ADGRA2: variants seen among roughly 807,000 people sequenced by gnomAD.
The protein encoded by ADGRA2 is G-protein coupled receptor 124.
ADGRA2 carries 61 observed loss-of-function variants against 98.7 expected under a neutral mutation model. That is an observed-to-expected ratio of 0.62 (90% CI 0.50 to 0.76). The LOEUF (loss-of-function observed/expected upper bound fraction) is 0.76, where lower values mean the gene tolerates loss of function less well. ADGRA2 is among the 30% of genes least tolerant of loss of function. The pLI is 0.00. For missense variants in ADGRA2, 1,712 were observed against 1,860.0 expected, an observed-to-expected ratio of 0.92 and a Z score of 1.46; for synonymous variants, 858 against 831.5, an observed-to-expected ratio of 1.03 and a Z score of -0.55.
chr8:37,832,982 A>T, intron 8 of ADGRA2, 28 bp from the exon 9 acceptor site: 1 of 1,581,690 alleles, frequency 6.3e-7, no homozygotes, highest in African/African-American at 1.3e-5. Context: ...AGCCCGGTTC[A>T]TCGGCAACTT....
intron 2 of ADGRA2, among the ~76,000 whole-genome samples, chr8:37,817,926 G>A (rs2129960988): frequency 6.6e-6 from 1 of 152,248 alleles, no homozygotes; most frequent in African/African-American, 2.4e-5. Flanking sequence ...CTGAGGCAGG[G>A]AGAATTGCTT....
chr8:37,807,571 C>A (rs997867916), intron 1 of ADGRA2, among the ~76,000 whole-genome samples: 4 of 152,156 alleles, frequency 2.6e-5, no homozygotes, highest in Non-Finnish European at 5.9e-5. Context: ...CCTGGAAATG[C>A]TCAAAGGCAC....
intron 17 of ADGRA2, 141 bp from the exon 18 acceptor site, chr8:37,840,619 C>T: frequency 1.5e-6 from 1 of 660,842 alleles, no homozygotes; most frequent in Non-Finnish European, 2.7e-6. Flanking sequence ...CCTGCAGGGA[C>T]CTTGCATCCC....
chr8:37,803,378 C>A (rs1438159300), intron 1 of ADGRA2, among the ~76,000 whole-genome samples: 1 of 152,172 alleles, frequency 6.6e-6, no homozygotes, highest in Non-Finnish European at 1.5e-5. Context: ...GCTGCCCCAG[C>A]CTCCCTGGGA....
chr8:37,816,060 A>T (rs142244563), intron 2 of ADGRA2, among the ~76,000 whole-genome samples: 27 of 152,106 alleles, frequency 1.8e-4, no homozygotes, highest in African/African-American at 6.0e-4. Flanking sequence ...ATAAGGTGTG[A>T]CTCTCCTGCT....
chr8:37,829,268 T>G lies in ADGRA2; in HGVS notation c.418T>G (p.Ser140Ala). 1 of 1,613,298 alleles carries G rather than the reference T, an allele frequency of 6.2e-7. No individual in the cohort carries two copies. Among genetic ancestry groups the G allele is most frequent in the Non-Finnish European group, 8.5e-7 (1 of 1,179,608 alleles). The change falls in exon 4 of 19, where the codon TCC (serine) becomes GCC (alanine). Residue 140 changes from serine (S) to alanine (A), a missense_variant. Transcript: ENST00000412232. ...GLGELKRLDL[S>A]NNRIGCLTSE... The stretch of plus-strand genomic sequence containing the variant: ...TTGCCTGTGTCTCTCTAGAGATCTC[T>G]CCAACAACCGGATTGGCTGTCTCAC...
chr8:37,818,565 T>G (rs1805041367), intron 2 of ADGRA2, among the ~76,000 whole-genome samples: 1 of 152,198 alleles, frequency 6.6e-6, no homozygotes, highest in Non-Finnish European at 1.5e-5. Flanking sequence ...AGAGTGGGAA[T>G]TCTAAACGCT....
At chr8:37,824,613 C>G (rs1251319705) in intron 2 of ADGRA2, among the ~76,000 whole-genome samples, 1 of 151,710 alleles carries the variant, frequency 6.6e-6, no homozygotes, top group Non-Finnish European at 1.5e-5. Flanking sequence ...CCTGCCTCAG[C>G]CTCCTGAATA....
Position 37,841,933 on chromosome 8 carries a change from A to C in ADGRA2, c.3595A>C (p.Asn1199His). Residue 1199 changes from asparagine (N) to histidine (H), a missense_variant, in exon 19 of 19, where the codon AAC becomes CAC. By Grantham distance (68) the Asn-to-His change is moderately conservative. Transcript: ENST00000412232. This position sits in a 1 kb window ranked among gnomAD's most constrained non-coding sequence, Gnocchi z 5.0. ...GHRAGEACGKNRLKALRGGAA... is the reference protein window; with the variant it reads ...GHRAGEACGKHRLKALRGGAA... ...CCGCGCGGGGGAGGCCTGCGGCAAG[A>C]ACCGGCTCAAGGCCCTGCGCGGGGG... 2 of 1,521,438 alleles carry C rather than the reference A, an allele frequency of 1.3e-6. No homozygotes were observed. Among genetic ancestry groups the C allele is most frequent in the Non-Finnish European group, 8.8e-7 (1 of 1,141,898 alleles). The allele number at this position is 1,521,438 out of a possible 1,614,324, so 94.2% of individuals were successfully genotyped here. A position where few individuals can be genotyped will look rare whatever the true frequency, so the allele number is the denominator to read the frequency against.
intron 1 of ADGRA2, among the ~76,000 whole-genome samples, chr8:37,798,391 G>A (rs562928326): frequency 6.6e-5 from 10 of 152,186 alleles, no homozygotes; most frequent in Non-Finnish European, 1.5e-4. Flanking sequence ...GCCTCAGTAC[G>A]CCTTTGCTTT....
chr8:37,807,942 C>T (rs12678351), intron 1 of ADGRA2, among the ~76,000 whole-genome samples: 1 of 152,114 alleles, frequency 6.6e-6, no homozygotes, highest in Non-Finnish European at 1.5e-5. Flanking sequence ...CCACGTGACT[C>T]CTGCAGGGTC....
chr8:37,800,430 C>T (rs1351449689), intron 1 of ADGRA2, among the ~76,000 whole-genome samples: 1 of 152,198 alleles, frequency 6.6e-6, no homozygotes, highest in Non-Finnish European at 1.5e-5. Context: ...GTGACAACTC[C>T]CAGACTCTTC....
Position 37,814,164 on chromosome 8 carries a change from G to A in ADGRA2, c.267-732G>A, listed in dbSNP as rs758507462. On this transcript the variant is annotated intron_variant, in intron 1 of 18. Coordinates refer to ENST00000412232, the MANE Select transcript of ADGRA2 (RefSeq NM_032777.10). The surrounding 1 kb of genome is among the most constrained non-coding windows in gnomAD (Gnocchi z 4.3). Reference sequence around the variant, plus strand: ...CTTGGCAGAGAAAGGCTGAGTGGGTGGGCGGAGATGAGACACTCGGTCTCT... The same window carrying A: ...CTTGGCAGAGAAAGGCTGAGTGGGTAGGCGGAGATGAGACACTCGGTCTCT... Among the ~76,000 whole-genome samples the A allele has an allele frequency of 3.9e-5, 6 of 152,230 alleles. No individual in the cohort carries two copies. The highest frequency in any genetic ancestry group is 7.3e-5 in the Non-Finnish European group (5 of 68,046).
chr8:37,820,748 T>C (rs764148136), intron 2 of ADGRA2, among the ~76,000 whole-genome samples: 2 of 152,176 alleles, frequency 1.3e-5, no homozygotes, highest in Non-Finnish European at 2.9e-5. Context: ...CCTTTGCAAA[T>C]GGGCTGTGTG....
Position 37,835,403 on chromosome 8 carries a change from G to A in ADGRA2, c.1833+5G>A, listed in dbSNP as rs1563351122. 1.9e-6 allele frequency: 3 copies of A among 1,605,264 alleles called. No homozygotes were observed. The highest frequency in any genetic ancestry group is 8.5e-7 in the Non-Finnish European group (1 of 1,176,376). Reference sequence around the variant, plus strand: ...CTGTCGTCCTTCCACATCAAGGTGGGCGCTGGGGGAGGGAGAGGGGGTGGG... The same window carrying A: ...CTGTCGTCCTTCCACATCAAGGTGGACGCTGGGGGAGGGAGAGGGGGTGGG... On this transcript the variant is annotated splice_donor_5th_base_variant and intron_variant, in intron 12 of 18. Transcript: ENST00000412232.
In ADGRA2 at chr8:37,814,919, C is replaced by G. The variant is rs763577512; in HGVS notation, c.290C>G (p.Thr97Arg). ...VTLLLSNNKI[T>R]GLRNGSFLGL... The stretch of plus-strand genomic sequence containing the variant: ...AGGCTCTTGAGCAATAACAAGATCA[C>G]GGGGCTCCGCAATGGCTCCTTCCTG... The change falls in exon 2 of 19, where the codon ACG becomes AGG. Residue 97 changes from threonine to arginine, a missense_variant. By Grantham distance (71) the Thr-to-Arg change is moderately conservative. Coordinates refer to ENST00000412232, the MANE Select transcript of ADGRA2 (RefSeq NM_032777.10). The surrounding 1 kb of genome is among the most constrained non-coding windows in gnomAD (Gnocchi z 4.3). The G allele has an allele frequency of 1.2e-6, 2 of 1,612,494 alleles. No homozygotes were observed. Among genetic ancestry groups the G allele is most frequent in the African/African-American group, 2.7e-5 (2 of 74,878 alleles).
chr8:37,844,524 C>T lies in ADGRA2; in HGVS notation c.*2169C>T, dbSNP rs772338464. On this transcript the variant is annotated 3_prime_UTR_variant, in exon 19 of 19. Coordinates refer to ENST00000412232, the MANE Select transcript of ADGRA2 (RefSeq NM_032777.10). ...GTTAGGGACACTCGTGGCAGCCTGT[C>T]TAGCAGCCTGGGCTCTCTGAAAGTC... The T allele has an allele frequency of 2.5e-6, 4 of 1,613,648 alleles. No homozygotes were observed. The highest frequency in any genetic ancestry group is 3.4e-6 in the Non-Finnish European group (4 of 1,180,028).
At chr8:37,807,163 C>A (rs576122534) in intron 1 of ADGRA2, among the ~76,000 whole-genome samples, 5 of 152,200 alleles carry the variant, frequency 3.3e-5, no homozygotes, top group Non-Finnish European at 7.3e-5. Context: ...TCAGGGCTGA[C>A]CTGACAAGCG....
intron 2 of ADGRA2, among the ~76,000 whole-genome samples, chr8:37,820,013 G>A (rs1301758927): frequency 6.6e-6 from 1 of 152,134 alleles, no homozygotes; most frequent in Admixed American, 6.6e-5. Flanking sequence ...GATTGTGGGG[G>A]CTGGCAGACC....
Sources: allele counts gnomAD v4.1 joint callset (sites outside exome capture counted in the v4.1 genomes callset), GRCh38; gene constraint gnomAD v4.1.1; non-coding constraint Gnocchi (gnomAD v3.1); transcripts MANE v1.5; gene names NCBI Gene and HGNC (gene_info 2026-07-23, HGNC 2026-07-21).